Variants in SPG11 observed in about 807,000 individuals in gnomAD.
SPG11 encodes the protein spatacsin.
SPG11 carries 222 observed loss-of-function variants against 274.0 expected under a neutral mutation model. The ratio of observed to expected loss-of-function variants is 0.81; its 90% CI spans 0.73 to 0.91. SPG11 has a LOEUF of 0.91. Ranked by LOEUF, SPG11 falls within the 40% of genes least tolerant of loss-of-function variation. The pLI, the probability that SPG11 is intolerant of heterozygous loss-of-function variation, is 0.00. For synonymous variants in SPG11, 1,144 were observed against 1,039.7 expected (o/e 1.10, Z -1.93); for missense variants, 3,114 against 2,872.7 (o/e 1.08, Z -1.92).
chr15:44,617,413 G>A (rs2083616806), intron 15 of SPG11, among the ~76,000 whole-genome samples: 2 of 152,200 alleles, frequency 1.3e-5, no homozygotes, highest in South Asian at 2.1e-4. Context: ...GTAGGGAGGG[G>A]AATCTGATTA....
Position 44,648,877 on chromosome 15 carries a change from G to A in SPG11, c.1591C>T (p.His531Tyr). 1 of 1,614,052 alleles carries A rather than the reference G, an allele frequency of 6.2e-7. No homozygotes were observed. The highest frequency in any genetic ancestry group is 8.5e-7 in the Non-Finnish European group (1 of 1,179,968). ...TTTAATTCTGTTACCTCTAGTGCAT[G>A]TATGGGAATTGAGCACCTTCCCCAG... The part of the protein sequence containing the change: ...NGWGRCSIPI[H>Y]ALEAGIENRQ... Residue 531 changes from histidine (H) to tyrosine (Y), a missense_variant, in exon 7 of 40, where the codon CAT (histidine) becomes TAT (tyrosine). By Grantham distance (83) the His-to-Tyr change is moderately conservative (BLOSUM62 2). Coordinates refer to ENST00000261866, the MANE Select transcript of SPG11 (RefSeq NM_025137.4).
intron 38 of SPG11, among the ~76,000 whole-genome samples, chr15:44,565,167 A>G (rs947899764): frequency 6.6e-6 from 1 of 152,186 alleles, no homozygotes; most frequent in African/African-American, 2.4e-5. Context: ...GCTAGAACCA[A>G]TCTCCCTGAC....
intron 30 of SPG11, chr15:44,575,272 C>G (rs2082511019): frequency 1.9e-6 from 1 of 529,962 alleles, no homozygotes; most frequent in Non-Finnish European, 3.4e-6. Context: ...AAGATCAAGG[C>G]CACCTAATGA....
intron 33 of SPG11, chr15:44,572,354 C>A (rs2082440995): frequency 2.8e-6 from 1 of 351,116 alleles, no homozygotes; most frequent in Non-Finnish European, 5.5e-6. Context: ...AGCTCTGCCA[C>A]TTAACAGATG....
At chr15:44,648,773 C>T (rs1012552439) in intron 7 of SPG11, 93 bp downstream of exon 7, 40 of 1,427,058 alleles carry the variant, frequency 2.8e-5, no homozygotes, top group Non-Finnish European at 3.8e-5. Flanking sequence ...CTTTTTGCTG[C>T]TAAATTAAAT....
intron 30 of SPG11, among the ~76,000 whole-genome samples, chr15:44,581,098 T>A (rs1387658155): frequency 6.6e-6 from 1 of 152,072 alleles, no homozygotes; most frequent in Non-Finnish European, 1.5e-5. Flanking sequence ...AAATAGGCAC[T>A]GTTTATATAG....
intron 12 of SPG11, 157 bp downstream of exon 12, chr15:44,622,571 G>A (rs895952063): frequency 5.7e-5 from 44 of 768,330 alleles, no homozygotes; most frequent in Non-Finnish European, 7.1e-5. Flanking sequence ...GAAGAAAGAT[G>A]AAGGGGAAAA....
Position 44,657,259 on chromosome 15 carries a change from A to G in SPG11, c.705T>C (p.His235=). 2 of 1,614,214 alleles carry G rather than the reference A, an allele frequency of 1.2e-6. No individual in the cohort carries two copies. The highest frequency in any genetic ancestry group is 1.7e-6 in the Non-Finnish European group (2 of 1,180,016). The change falls in exon 4 of 40, where the codon CAT becomes CAC. Residue 235 remains histidine (H), a synonymous_variant. Coordinates refer to ENST00000261866, the MANE Select transcript of SPG11 (RefSeq NM_025137.4). ...FDVVDGTYVA[H]VDLALHKEDM... is the part of the protein sequence containing the mutation. The stretch of plus-strand genomic sequence containing the variant: ...CTTCTTTGTGAAGTGCTAAATCCAC[A>G]TGAGCTACATATGTACCATCCACAA...
intron 30 of SPG11, 22 bp downstream of exon 30, chr15:44,583,792 C>T (rs376911283): frequency 4.8e-5 from 78 of 1,613,950 alleles, no homozygotes; most frequent in Non-Finnish European, 6.5e-5. Flanking sequence ...AGACTCTGGG[C>T]CATCTGATCT....
At chr15:44,622,132 C>G in intron 13 of SPG11, 88 bp downstream of exon 13, 1 of 1,448,220 alleles carries the variant, frequency 6.9e-7, no homozygotes. Context: ...CTCAGTTCCA[C>G]ATAAGAAACT....
rs34479385 is a variant in SPG11, at chr15:44,587,693, C to CAAA, written c.4906+1556_4906+1558dup. Among the ~76,000 whole-genome samples, 35 of 34,054 alleles carry CAAA rather than the reference C, an allele frequency of 1.0e-3. 3 individuals carry two copies. Among genetic ancestry groups the CAAA allele is most frequent in the African/African-American group, 5.1e-3 (29 of 5,638 alleles). The allele number at this position is 34,054 out of a possible 152,430, so 22.3% of individuals were successfully genotyped here. A position where few individuals can be genotyped will look rare whatever the true frequency, so the allele number is the denominator to read the frequency against. On this transcript the variant is annotated intron_variant, in intron 28 of 39. Coordinates refer to ENST00000261866, the MANE Select transcript of SPG11 (RefSeq NM_025137.4). Reference sequence around the variant, plus strand: ...CTTGGGCAACAGAGCCAGACTGTCTCAAAAAAAAAAAAAAAAAAAAAAAAA... The same window carrying CAAA: ...CTTGGGCAACAGAGCCAGACTGTCTCAAAAAAAAAAAAAAAAAAAAAAAAAAAA...
Position 44,589,259 on chromosome 15 carries a change from G to A in SPG11, c.4899C>T (p.Phe1633=), listed in dbSNP as rs375726465. 1.9e-6 allele frequency: 3 copies of A among 1,613,622 alleles called. No homozygotes were observed. Among genetic ancestry groups the A allele is most frequent in the African/African-American group, 1.3e-5 (1 of 74,928 alleles). Residue 1633 remains phenylalanine (F), a synonymous_variant, in exon 28 of 40, where the codon TTC becomes TTT. Coordinates refer to ENST00000261866, the MANE Select transcript of SPG11 (RefSeq NM_025137.4). ...LQLFVEREHL[F]SDGPDVKKLC... Reference sequence around the variant, plus strand: ...CTGTAAGGATTGTCTTACCATCAGAGAAGAGATGCTCTCTTTCAACAAAGA... The same window carrying A: ...CTGTAAGGATTGTCTTACCATCAGAAAAGAGATGCTCTCTTTCAACAAAGA...
intron 6 of SPG11, among the ~76,000 whole-genome samples, chr15:44,650,505 T>A (rs758302666): frequency 9.9e-5 from 15 of 151,532 alleles, no homozygotes; most frequent in Non-Finnish European, 2.1e-4. Flanking sequence ...AATACAAAAA[T>A]TAGCTGGGAG....
intron 7 of SPG11, among the ~76,000 whole-genome samples, chr15:44,639,679 G>C (rs2084384703): frequency 6.6e-6 from 1 of 151,804 alleles, no homozygotes; most frequent in Non-Finnish European, 1.5e-5. Flanking sequence ...TCCATCCTAG[G>C]TGACAGAGTG....
intron 4 of SPG11, among the ~76,000 whole-genome samples, chr15:44,655,674 G>C (rs1381283609): frequency 6.6e-6 from 1 of 152,114 alleles, no homozygotes; most frequent in Non-Finnish European, 1.5e-5. Flanking sequence ...TATGTTATCA[G>C]TAAGGTTTCT....
At position 44,659,114 on chromosome 15, in the gene SPG11, C is replaced by A; in HGVS notation, c.632G>T (p.Gly211Val). 1 of 1,614,198 alleles carries A rather than the reference C, an allele frequency of 6.2e-7. No individual in the cohort carries two copies. The highest frequency in any genetic ancestry group is 2.2e-5 in the East Asian group (1 of 44,880). The change falls in exon 3 of 40, where the codon GGA becomes GTA. Residue 211 changes from glycine to valine, a missense_variant. Physicochemically the swap from Gly to Val is moderately radical, Grantham distance 109. Coordinates refer to ENST00000261866, the MANE Select transcript of SPG11 (RefSeq NM_025137.4). Reference sequence around the variant, plus strand: ...TAAACTACTCAAAACAAAAAGAATTCCTCTGCAGAGCTGCGTGTCAATAAT... The same window carrying A: ...TAAACTACTCAAAACAAAAAGAATTACTCTGCAGAGCTGCGTGTCAATAAT... ...DMIIDTQLCRGILFVLSSLGW... is the reference protein window; with the variant it reads ...DMIIDTQLCRVILFVLSSLGW...
chr15:44,642,357 T>G (rs2084475822), intron 7 of SPG11, among the ~76,000 whole-genome samples: 1 of 92,726 alleles, frequency 1.1e-5, no homozygotes, highest in Non-Finnish European at 2.0e-5. Context: ...AGAGTAAGAC[T>G]CCATCTCAAA....
intron 21 of SPG11, among the ~76,000 whole-genome samples, chr15:44,599,586 T>C (rs1411563144): frequency 6.6e-6 from 1 of 152,066 alleles, no homozygotes; most frequent in Admixed American, 6.5e-5. Flanking sequence ...GTGTGAGCCA[T>C]CGTGCTCAGC....
intron 30 of SPG11, among the ~76,000 whole-genome samples, chr15:44,581,287 G>T (rs1436188087): frequency 2.0e-5 from 3 of 150,616 alleles, no homozygotes; most frequent in Admixed American, 2.0e-4. Context: ...GCTCACTGCA[G>T]CCTTATCCTC....
Sources: gnomAD v4.1 joint callset for allele counts (sites outside exome capture counted in the v4.1 genomes callset) on GRCh38, gnomAD v4.1.1 for gene constraint, MANE v1.5 for transcripts, NCBI Gene and HGNC (gene_info 2026-07-23, HGNC 2026-07-21) for gene names.